EGLN1: variants seen among roughly 807,000 people sequenced by gnomAD.
EGLN1 encodes egl nine homolog 1.
EGLN1 carries 17 observed loss-of-function variants against 38.3 expected under a neutral mutation model. The ratio of observed to expected loss-of-function variants is 0.44; its 90% confidence interval spans 0.30 to 0.67. EGLN1 has a LOEUF of 0.67. EGLN1 is among the 30% of genes least tolerant of loss of function. The pLI is 0.08. For missense variants in EGLN1, 477 were observed against 603.3 expected, an observed-to-expected ratio of 0.79 and a Z score of 2.19; for synonymous variants, 283 against 257.5, an observed-to-expected ratio of 1.10 and a Z score of -0.95.
Position 231,396,038 on chromosome 1 carries a change from AG to A in EGLN1, c.892-21940del, listed in dbSNP as rs200048912. On this transcript the variant is annotated intron_variant, in intron 1 of 4. Transcript: ENST00000366641. ...CCCAAATTACCCCACTCCTTTAAAA[AG>A]AAAAAAAAAAAAGGCAATAAATGTC... Among the ~76,000 whole-genome samples, 322 of 149,662 alleles carry A rather than the reference AG, an allele frequency of 2.2e-3. 29 individuals carry two copies. Among genetic ancestry groups the A allele is most frequent in the Middle Eastern group, 3.4e-3 (1 of 292 alleles).
At chr1:231,385,128 C>G (rs973253) in intron 1 of EGLN1, among the ~76,000 whole-genome samples, 2 of 152,120 alleles carry the variant, frequency 1.3e-5, no homozygotes, top group East Asian at 3.9e-4. Flanking sequence ...TCCAGAAAGA[C>G]TGGTATGAGA....
intron 1 of EGLN1, among the ~76,000 whole-genome samples, chr1:231,420,707 G>C (rs1656556815): frequency 6.6e-6 from 1 of 152,076 alleles, no homozygotes; most frequent in African/African-American, 2.4e-5. Flanking sequence ...TAGTGGAATG[G>C]AAAAAAGAAA....
At chr1:231,419,244 G>T (rs1205852224) in intron 1 of EGLN1, among the ~76,000 whole-genome samples, 1 of 152,176 alleles carries the variant, frequency 6.6e-6, no homozygotes, top group Non-Finnish European at 1.5e-5. Flanking sequence ...GAGGAAGGAG[G>T]TACCTATTTC....
rs188357088 is a variant in EGLN1, at chr1:231,365,307, A to G, written c.*1104T>C. On this transcript the variant is annotated 3_prime_UTR_variant, in exon 5 of 5. Transcript: ENST00000366641. ...GGAAAAGACTTAGAAATGGGACATTATTGTCTACATCTAGAGGATACATAC... is the reference window on the plus strand; with the variant it reads ...GGAAAAGACTTAGAAATGGGACATTGTTGTCTACATCTAGAGGATACATAC... 4.6e-5 allele frequency: 7 copies of G among 152,336 alleles called. No individual in the cohort carries two copies. The East Asian group carries it at 1.2e-3, about 25-fold the overall frequency. The allele number at this position is 152,336 out of a possible 1,614,324, so 9.4% of individuals were successfully genotyped here.
intron 1 of EGLN1, among the ~76,000 whole-genome samples, chr1:231,416,278 G>T (rs907794124): frequency 6.6e-6 from 1 of 151,852 alleles, no homozygotes; most frequent in Admixed American, 6.6e-5. Context: ...GAATTACAGG[G>T]GTGAGTTACC....
intron 1 of EGLN1, among the ~76,000 whole-genome samples, chr1:231,375,353 C>G (rs1429135094): frequency 6.6e-6 from 1 of 151,816 alleles, no homozygotes; most frequent in Non-Finnish European, 1.5e-5. Context: ...ACCACGCCAC[C>G]CGGTTTGTTA....
In EGLN1 at chr1:231,421,592, G is replaced by T. The variant is rs1302308804; in HGVS notation, c.297C>A (p.Arg99=). The change falls in exon 1 of 5, where the codon CGC becomes CGA. Residue 99 remains arginine, a synonymous_variant. Coordinates refer to ENST00000366641, the MANE Select transcript of EGLN1 (RefSeq NM_022051.3). This position sits in a 1 kb window ranked among gnomAD's most constrained non-coding sequence, Gnocchi z 5.5. ...CCGCGTCCCCGGAGGCGTTGTCCCG[G>T]CGCGCCGCTGCCTTCCTGGGCTCCC... ...GAREPRKAAA[R]RDNASGDAAK... The T allele has an allele frequency of 1.7e-5, 22 of 1,319,656 alleles. No individual in the cohort carries two copies. The highest frequency in any genetic ancestry group is 2.0e-5 in the Non-Finnish European group (21 of 1,044,200). 81.7% of individuals were successfully genotyped at this position (1,319,656 alleles called of 1,614,324 possible).
chr1:231,412,090 A>AT (rs1161909742), intron 1 of EGLN1, among the ~76,000 whole-genome samples: 1 of 137,686 alleles, frequency 7.3e-6, no homozygotes, highest in Non-Finnish European at 1.5e-5. Flanking sequence ...TACCAGTATT[A>AT]TTTTATATTT....
chr1:231,421,754 C>A lies in EGLN1; in HGVS notation c.135G>T (p.Glu45Asp), dbSNP rs2102948215. Residue 45 changes from glutamate (E) to aspartate (D), a missense_variant, in exon 1 of 5, where the codon GAG becomes GAT. Glu to Asp is a conservative substitution (Grantham distance 45). Transcript: ENST00000366641. This position sits in a 1 kb window ranked among gnomAD's most constrained non-coding sequence, Gnocchi z 5.5. The part of the protein sequence containing the change: ...RCRSSFYCCK[E>D]HQRQDWKKHK... ...GCTTCTTCCAGTCCTGACGCTGGTG[C>A]TCCTTGCAGCAGTAGAAGGAGCTGC... The A allele has an allele frequency of 6.4e-7, 1 of 1,552,058 alleles. No individual in the cohort carries two copies.
intron 1 of EGLN1, among the ~76,000 whole-genome samples, chr1:231,384,690 T>C (rs1039979209): frequency 2.0e-5 from 3 of 152,170 alleles, no homozygotes; most frequent in Non-Finnish European, 4.4e-5. Flanking sequence ...TAGAGAACAC[T>C]ATAAAGATTA....
At chr1:231,389,539 G>A (rs193073582) in intron 1 of EGLN1, among the ~76,000 whole-genome samples, 5 of 152,316 alleles carry the variant, frequency 3.3e-5, no homozygotes, top group Non-Finnish European at 4.4e-5. Context: ...CTGGAGTACA[G>A]GGACCAAGTC....
rs2102947465 is a variant in EGLN1 at position 231,421,405 on chromosome 1, G to C, written c.484C>G (p.Leu162Val). The change falls in exon 1 of 5, where the codon CTG becomes GTG. Residue 162 changes from leucine (L) to valine (V), a missense_variant. Physicochemically the swap from Leu to Val is conservative, Grantham distance 32. This residue lies in a region of EGLN1 where 298 missense variants were observed against 288.9 expected (regional missense o/e 1.03). Transcript: ENST00000366641. This position sits in a 1 kb window ranked among gnomAD's most constrained non-coding sequence, Gnocchi z 5.5. ...CCGGGCGTGTTGCTTGGGGGGTACAGGTTCGCCTTCTCCTGGAACAGCGAT... is the reference window on the plus strand; with the variant it reads ...CCGGGCGTGTTGCTTGGGGGGTACACGTTCGCCTTCTCCTGGAACAGCGAT... ...RSSLFQEKAN[L>V]YPPSNTPGDA... The C allele has an allele frequency of 1.3e-6, 2 of 1,597,188 alleles. No homozygotes were observed. The highest frequency in any genetic ancestry group is 1.7e-6 in the Non-Finnish European group (2 of 1,169,678).
chr1:231,416,481 C>T (rs1474084542), intron 1 of EGLN1, among the ~76,000 whole-genome samples: 3 of 148,858 alleles, frequency 2.0e-5, no homozygotes, highest in African/African-American at 7.5e-5. Context: ...ATCACCTGGG[C>T]TCAAGCAATC....
intron 1 of EGLN1, among the ~76,000 whole-genome samples, chr1:231,378,223 T>C (rs1412980641): frequency 6.6e-6 from 1 of 151,988 alleles, no homozygotes; most frequent in African/African-American, 2.4e-5. Context: ...ATGATTATAA[T>C]TGTAAAAAGA....
chr1:231,421,910 G>T lies in EGLN1; in HGVS notation c.-22C>A, dbSNP rs1336568079. On this transcript the variant is annotated 5_prime_UTR_variant, in exon 1 of 5. Coordinates refer to ENST00000366641, the MANE Select transcript of EGLN1 (RefSeq NM_022051.3). This position sits in a 1 kb window ranked among gnomAD's most constrained non-coding sequence, Gnocchi z 5.5. ...CCATGGCGGCGGCGGCGGCGGCGACGGCGACTGCGGCGGCCGAGCAGGAGG... is the reference window on the plus strand; with the variant it reads ...CCATGGCGGCGGCGGCGGCGGCGACTGCGACTGCGGCGGCCGAGCAGGAGG... The T allele has an allele frequency of 2.2e-6, 3 of 1,384,814 alleles. No homozygotes were observed. The highest frequency in any genetic ancestry group is 6.1e-5 in the East Asian group (2 of 32,592). 85.8% of individuals were successfully genotyped at this position (1,384,814 alleles called of 1,614,324 possible).
Position 231,404,623 on chromosome 1 carries a change from T to A in EGLN1, c.891+16375A>T, listed in dbSNP as rs567635415. On this transcript the variant is annotated intron_variant, in intron 1 of 4. Transcript: ENST00000366641. ...CAAGACCCCGTCTCTAAAAAAAAAATTTTTTTTTAAAGAATAAACTCATTT... is the reference window on the plus strand; with the variant it reads ...CAAGACCCCGTCTCTAAAAAAAAAAATTTTTTTTAAAGAATAAACTCATTT... 5.3e-5 allele frequency among the ~76,000 whole-genome samples: 8 copies of A among 150,628 alleles called. No individual in the cohort carries two copies. The East Asian group carries it at 9.8e-4, about 18-fold the overall frequency.
intron 1 of EGLN1, among the ~76,000 whole-genome samples, chr1:231,419,140 AAG>A (rs1656466061): frequency 6.6e-6 from 1 of 152,186 alleles, no homozygotes; most frequent in African/African-American, 2.4e-5. Context: ...ATCAAATCCA[AAG>A]AGTTTAAAGG....
rs574288484 is a variant in EGLN1 at position 231,421,888 on chromosome 1, TGGCGGCGGCGGC to T, written c.-12_-1del. ...CCGGGCCCGCCGCTGTCATTGGCCA[TGGCGGCGGCGGC>T]GGCGGCGACGGCGACTGCGGCGGCC... is the stretch of plus-strand genomic sequence containing the variant. On this transcript the variant is annotated 5_prime_UTR_variant, in exon 1 of 5. Coordinates refer to ENST00000366641, the MANE Select transcript of EGLN1 (RefSeq NM_022051.3). The surrounding 1 kb of genome is among the most constrained non-coding windows in gnomAD (Gnocchi z 5.5). 9.8e-6 allele frequency: 14 copies of T among 1,430,778 alleles called. No individual in the cohort carries two copies. Among genetic ancestry groups the T allele is most frequent in the Non-Finnish European group, 1.3e-5 (14 of 1,101,678 alleles). 88.6% of individuals were successfully genotyped at this position (1,430,778 alleles called of 1,614,324 possible). A position where few individuals can be genotyped will look rare whatever the true frequency, so the allele number is the denominator to read the frequency against.
chr1:231,366,495 AAAAT>A lies in EGLN1; in HGVS notation c.1217-24_1217-21del, dbSNP rs769608944. On this transcript the variant is annotated intron_variant, in intron 4 of 4. Transcript: ENST00000366641. ...TTTCACCTGCAAGGTAAAAAAAAAA[AAAAT>A]TTTCATTCATTCACTAAGCACCAGA... The A allele has an allele frequency of 6.2e-7, 1 of 1,610,614 alleles. No homozygotes were observed.
Sources: gnomAD v4.1 joint callset for allele counts (sites outside exome capture counted in the v4.1 genomes callset) on GRCh38, gnomAD v4.1.1 for gene constraint, gnomAD v4.1.1 regional missense constraint, Gnocchi (gnomAD v3.1) non-coding constraint, MANE v1.5 for transcripts, NCBI Gene and HGNC (gene_info 2026-07-23, HGNC 2026-07-21) for gene names.